Variants in SMCO4 observed in about 807,000 individuals in gnomAD.
SMCO4 encodes the protein single-pass membrane protein with coiled-coil domains 4, also known as single-pass membrane and coiled-coil domain-containing protein 4.
Under a neutral mutation model 3.6 loss-of-function variants are expected in SMCO4, and 4 were observed. The observed-to-expected ratio is 1.11, with a 90% CI of 0.54 to 2.53. The LOEUF (loss-of-function observed/expected upper bound fraction) is 2.53. SMCO4 is among the 30% of genes most tolerant of loss of function. SMCO4 has a pLI of 0.02. For missense variants in SMCO4, 70 were observed against 80.8 expected, an observed-to-expected ratio of 0.87 and a Z score of 0.51; for synonymous variants, 36 against 35.3, an observed-to-expected ratio of 1.02 and a Z score of -0.07.
At chr11:93,504,871 G>C (rs1948884265) in intron 1 of SMCO4, among the ~76,000 whole-genome samples, 1 of 152,178 alleles carries the variant, frequency 6.6e-6, no homozygotes, top group African/African-American at 2.4e-5. Flanking sequence ...GGGGGTGCAG[G>C]AAATGCATGT....
chr11:93,495,969 A>G (rs1477564809), intron 2 of SMCO4, among the ~76,000 whole-genome samples: 2 of 152,196 alleles, frequency 1.3e-5, no homozygotes, highest in Non-Finnish European at 2.9e-5. Context: ...ACAAGCTACA[A>G]CAACATGGTG....
chr11:93,508,895 C>A, intron 1 of SMCO4, among the ~76,000 whole-genome samples: 1 of 152,168 alleles, frequency 6.6e-6, no homozygotes, highest in East Asian at 1.9e-4. Context: ...TCTGCAGAGC[C>A]TGGACGAGCA....
intron 1 of SMCO4, among the ~76,000 whole-genome samples, chr11:93,517,118 G>A (rs1488979354): frequency 1.3e-5 from 2 of 152,046 alleles, no homozygotes; most frequent in Non-Finnish European, 1.5e-5. Context: ...ATTTACAAAG[G>A]GGACCCCAGT....
rs1483229903 is a variant in SMCO4, at chr11:93,496,358, G to C, written c.-81+2918C>G. 2.0e-5 allele frequency among the ~76,000 whole-genome samples: 3 copies of C among 152,114 alleles called. No individual in the cohort carries two copies. The East Asian group carries it at 5.8e-4, about 29-fold the overall frequency. On this transcript the variant is annotated intron_variant, in intron 2 of 2. Coordinates refer to ENST00000298966, the MANE Select transcript of SMCO4 (RefSeq NM_020179.3). ...AAAAAGATGAGTATTAACAAATGAA[G>C]TACCAGTTTCTGGCCTGACAAAGTG... is the stretch of plus-strand genomic sequence containing the variant.
intron 1 of SMCO4, among the ~76,000 whole-genome samples, chr11:93,534,035 A>G (rs1949188396): frequency 6.6e-6 from 1 of 151,968 alleles, no homozygotes. Flanking sequence ...TACTAAAAAT[A>G]CAAAAATTAG....
At chr11:93,506,167 G>A (rs1055354164) in intron 1 of SMCO4, among the ~76,000 whole-genome samples, 10 of 152,228 alleles carry the variant, frequency 6.6e-5, no homozygotes, top group Non-Finnish European at 2.9e-5. Flanking sequence ...GTTCCGGGTA[G>A]AGGGGGCATG....
At chr11:93,517,480 T>TTCC (rs1949018206) in intron 1 of SMCO4, among the ~76,000 whole-genome samples, 1 of 152,186 alleles carries the variant, frequency 6.6e-6, no homozygotes, top group African/African-American at 2.4e-5. Context: ...TAAAAAGAAA[T>TTCC]TTAGAGAACA....
chr11:93,487,694 T>C (rs1948667297), intron 2 of SMCO4, among the ~76,000 whole-genome samples: 1 of 152,202 alleles, frequency 6.6e-6, no homozygotes, highest in African/African-American at 2.4e-5. Flanking sequence ...ATAAAGTGCT[T>C]TTCTGTGCAT....
intron 1 of SMCO4, among the ~76,000 whole-genome samples, chr11:93,504,452 T>C (rs1196334765): frequency 6.6e-6 from 1 of 152,236 alleles, no homozygotes; most frequent in East Asian, 1.9e-4. Context: ...TGAGAGATTT[T>C]TGTGCATTCC....
chr11:93,503,593 A>C (rs1948868673), intron 1 of SMCO4, among the ~76,000 whole-genome samples: 1 of 152,188 alleles, frequency 6.6e-6, no homozygotes. Flanking sequence ...TCTGGATTGG[A>C]CCTAAATTCA....
chr11:93,499,155 G>C (rs1948809406), intron 2 of SMCO4, 121 bp downstream of exon 2: 2 of 152,098 alleles, frequency 1.3e-5, no homozygotes, highest in South Asian at 4.2e-4. Flanking sequence ...GGATGAAGAG[G>C]AACTTGGCCA....
At position 93,479,044 on chromosome 11, in the gene SMCO4, A is replaced by G. The variant is rs749264689; in HGVS notation, c.146T>C (p.Val49Ala). ...AVVVLLIVVF[V>A]YVATRPTITE Reference sequence around the variant, plus strand: ...GATGGTGGGGCGCGTGGCCACGTACACAAACACCACGATCAAGAGCACGAC... The same window carrying G: ...GATGGTGGGGCGCGTGGCCACGTACGCAAACACCACGATCAAGAGCACGAC... The change falls in exon 3 of 3, where the codon GTG becomes GCG. Residue 49 changes from valine (V) to alanine (A), a missense_variant. Physicochemically the swap from Val to Ala is moderately conservative, Grantham distance 64. Transcript: ENST00000298966. 8.7e-6 allele frequency: 14 copies of G among 1,612,840 alleles called. No homozygotes were observed. The highest frequency in any genetic ancestry group is 1.3e-5 in the African/African-American group (1 of 74,928).
chr11:93,485,549 C>T (rs1245362976), intron 2 of SMCO4, among the ~76,000 whole-genome samples: 1 of 152,226 alleles, frequency 6.6e-6, no homozygotes, highest in Non-Finnish European at 1.5e-5. Context: ...TTGGTTTATA[C>T]CTTTACTGCA....
chr11:93,539,504 C>T (rs929350904), intron 1 of SMCO4, among the ~76,000 whole-genome samples: 1 of 152,200 alleles, frequency 6.6e-6, no homozygotes, highest in African/African-American at 2.4e-5. Flanking sequence ...ATTTCAAAAG[C>T]TCACAAAGAC....
intron 1 of SMCO4, among the ~76,000 whole-genome samples, chr11:93,527,277 CTGAG>C (rs1949117786): frequency 6.6e-6 from 1 of 152,190 alleles, no homozygotes; most frequent in Admixed American, 6.5e-5. Flanking sequence ...TGGGACCTTT[CTGAG>C]TATGTCAGTT....
chr11:93,488,273 C>T lies in SMCO4; in HGVS notation c.-80-9004G>A, dbSNP rs550446684. ...AGAAGCACGCAGGGGCCAGCAAGTC[C>T]GGAGAAAGCAAAGGGAGAGCTGAGG... On this transcript the variant is annotated intron_variant, in intron 2 of 2. Transcript: ENST00000298966. 4.3e-4 allele frequency among the ~76,000 whole-genome samples: 65 copies of T among 152,188 alleles called. No individual in the cohort carries two copies. The South Asian group carries it at 0.012, about 29-fold the overall frequency.
intron 1 of SMCO4, among the ~76,000 whole-genome samples, chr11:93,528,354 G>C (rs2134628383): frequency 6.6e-6 from 1 of 152,316 alleles, no homozygotes; most frequent in South Asian, 2.1e-4. Flanking sequence ...TGTGAAACTT[G>C]AGAAAAGAAC....
chr11:93,535,787 AAGCAGC>A (rs529443021), intron 1 of SMCO4: 4 of 1,612,234 alleles, frequency 2.5e-6, no homozygotes, highest in African/African-American at 1.4e-5. Context: ...AAGAAGACCA[AAGCAGC>A]AGCAGCAGCA....
intron 2 of SMCO4, among the ~76,000 whole-genome samples, chr11:93,486,796 G>C (rs569165631): frequency 6.6e-6 from 1 of 152,274 alleles, no homozygotes; most frequent in East Asian, 1.9e-4. Context: ...CAACCCATGT[G>C]AGAACAGTAA....
Sources: allele counts gnomAD v4.1 joint callset (sites outside exome capture counted in the v4.1 genomes callset), GRCh38; gene constraint gnomAD v4.1.1; transcripts MANE v1.5; gene names NCBI Gene and HGNC (gene_info 2026-07-23, HGNC 2026-07-21).